Variants in NRIP1 observed in about 807,000 individuals in gnomAD.
NRIP1 encodes the protein nuclear receptor-interacting protein 1.
NRIP1 carries 28 observed loss-of-function variants against 75.0 expected under a neutral mutation model. That is an observed-to-expected ratio of 0.37 (90% CI 0.28 to 0.51). The LOEUF (loss-of-function observed/expected upper bound fraction) is 0.51. Ranked by LOEUF, NRIP1 falls within the 20% of genes least tolerant of loss-of-function variation. The pLI is 0.92. For synonymous variants in NRIP1, 526 were observed against 487.6 expected (o/e 1.08, Z -1.04); for missense variants, 1,435 against 1,343.7 (o/e 1.07, Z -1.06).
At chr21:15,036,754 A>T (rs2088842537) in intron 2 of NRIP1, among the ~76,000 whole-genome samples, 1 of 152,332 alleles carries the variant, frequency 6.6e-6, no homozygotes, top group African/African-American at 2.4e-5. Context: ...AGCAATATTT[A>T]AAAAATACTC....
chr21:14,973,939 C>CCT (rs2086976924), intron 3 of NRIP1, among the ~76,000 whole-genome samples: 1 of 150,808 alleles, frequency 6.6e-6, no homozygotes, highest in Non-Finnish European at 1.5e-5. Context: ...CCTGCCTTAG[C>CCT]CTCTCAAAGT....
At chr21:14,991,047 G>A (rs1436358822) in intron 3 of NRIP1, among the ~76,000 whole-genome samples, 1 of 151,784 alleles carries the variant, frequency 6.6e-6, no homozygotes, top group Non-Finnish European at 1.5e-5. Context: ...AAACTCTGAT[G>A]GCTCCTGGTC....
At chr21:15,048,967 T>TAC (rs929726029) in intron 1 of NRIP1, among the ~76,000 whole-genome samples, 9 of 150,376 alleles carry the variant, frequency 6.0e-5, no homozygotes, top group South Asian at 2.1e-4. Context: ...TACAAATACA[T>TAC]ACACACACAC....
chr21:15,014,788 C>T (rs903786328), intron 2 of NRIP1, among the ~76,000 whole-genome samples: 2 of 145,586 alleles, frequency 1.4e-5, no homozygotes, highest in African/African-American at 5.1e-5. Context: ...AATTAATTTA[C>T]ATACAAAAAA....
rs2147430634 is a variant in NRIP1 at position 15,061,489 on chromosome 21, G to C, written c.-538+3256C>G. On this transcript the variant is annotated intron_variant, in intron 1 of 3. Transcript: ENST00000318948. Reference sequence around the variant, plus strand: ...GAAAAGGGGAAGAGAGCAAGGGAGGGAGGGAAATGGTAGGGAAGGGACTAC... The same window carrying C: ...GAAAAGGGGAAGAGAGCAAGGGAGGCAGGGAAATGGTAGGGAAGGGACTAC... Among the ~76,000 whole-genome samples the C allele has an allele frequency of 2.6e-5, 4 of 152,232 alleles. No homozygotes were observed. In the Middle Eastern group the frequency reaches 0.01, roughly 388 times the overall value.
intron 3 of NRIP1, among the ~76,000 whole-genome samples, chr21:15,011,503 T>TA (rs953353915): frequency 1.1e-4 from 17 of 151,864 alleles, no homozygotes; most frequent in South Asian, 4.2e-4. Context: ...GGCCCTTTTT[T>TA]AAAAAAAAAT....
At chr21:15,063,230 G>A (rs1424812319) in intron 1 of NRIP1, among the ~76,000 whole-genome samples, 2 of 152,172 alleles carry the variant, frequency 1.3e-5, no homozygotes, top group African/African-American at 4.8e-5. Context: ...GTTACTGTAG[G>A]TGATGAAGCC....
intron 1 of NRIP1, among the ~76,000 whole-genome samples, chr21:15,054,765 T>A (rs2089272344): frequency 6.6e-6 from 1 of 152,244 alleles, no homozygotes; most frequent in African/African-American, 2.4e-5. Context: ...CATCCTTCTG[T>A]GTGCCAGACA....
intron 2 of NRIP1, among the ~76,000 whole-genome samples, chr21:15,040,810 T>C (rs2147312053): frequency 6.6e-6 from 1 of 152,190 alleles, no homozygotes; most frequent in South Asian, 2.1e-4. Flanking sequence ...TGGGAAAATT[T>C]AAATAACTCC....
intron 1 of NRIP1, among the ~76,000 whole-genome samples, chr21:15,049,720 T>C (rs903085126): frequency 6.6e-6 from 1 of 152,078 alleles, no homozygotes; most frequent in African/African-American, 2.4e-5. Flanking sequence ...CAAGCACTTT[T>C]ACACTACTCA....
At chr21:15,065,695 C>G (rs939254378), upstream of NRIP1, 4 of 152,340 alleles carry the variant, frequency 2.6e-5, no homozygotes, top group Non-Finnish European at 5.9e-5. Context: ...TCGTGTGGAG[C>G]GACTCTGGGA....
intron 3 of NRIP1, among the ~76,000 whole-genome samples, chr21:14,999,437 A>G (rs975511617): frequency 6.6e-6 from 1 of 152,152 alleles, no homozygotes; most frequent in Non-Finnish European, 1.5e-5. Flanking sequence ...TTTATGTTCT[A>G]TTTGGTTATA....
rs1255539418 is a variant in NRIP1 at position 14,966,497 on chromosome 21, T to C, written c.1696A>G (p.Ile566Val). The change falls in exon 4 of 4, where the codon ATC becomes GTC. Residue 566 changes from isoleucine (I) to valine (V), a missense_variant. By Grantham distance (29) the Ile-to-Val change is conservative. Transcript: ENST00000318948. ...ACCAGAGAGTGTTGAGAGAGATTGATGGGAGACCCTGCTTTGCTTGATGTA... is the reference window on the plus strand; with the variant it reads ...ACCAGAGAGTGTTGAGAGAGATTGACGGGAGACCCTGCTTTGCTTGATGTA... Reference protein sequence around the residue: ...LLTSSKAGSPINLSQHSLVIK... With the variant: ...LLTSSKAGSPVNLSQHSLVIK... The C allele has an allele frequency of 1.9e-6, 3 of 1,613,958 alleles. No individual in the cohort carries two copies. Among genetic ancestry groups the C allele is most frequent in the Non-Finnish European group, 1.7e-6 (2 of 1,179,938 alleles).
In NRIP1 at chr21:14,963,212, T is replaced by A. The variant is rs1359803711; in HGVS notation, c.*1504A>T. 6.6e-6 allele frequency: 1 copy of A among 152,504 alleles called. No homozygotes were observed. The highest frequency in any genetic ancestry group is 1.5e-5 in the Non-Finnish European group (1 of 67,958). 9.4% of individuals were successfully genotyped at this position (152,504 alleles called of 1,614,324 possible). On this transcript the variant is annotated 3_prime_UTR_variant, in exon 4 of 4. Transcript: ENST00000318948. Reference sequence around the variant, plus strand: ...TTTAGTGCCCTTCTTGGGTTTAAACTAAATGTTGTAAGCTTTGTTGGCATT... The same window carrying A: ...TTTAGTGCCCTTCTTGGGTTTAAACAAAATGTTGTAAGCTTTGTTGGCATT...
chr21:14,990,245 T>C (rs1434207882), intron 3 of NRIP1, among the ~76,000 whole-genome samples: 1 of 152,182 alleles, frequency 6.6e-6, no homozygotes, highest in African/African-American at 2.4e-5. Context: ...TTTTCTTCTT[T>C]TCTCCATCTT....
At chr21:15,043,377 A>C (rs1310961959) in intron 2 of NRIP1, 118 bp downstream of exon 2, 1 of 152,238 alleles carries the variant, frequency 6.6e-6, no homozygotes, top group African/African-American at 2.4e-5. Context: ...AAGGTAGTTT[A>C]TCCATATCTA....
chr21:15,043,940 TC>T (rs1363428667), intron 1 of NRIP1, among the ~76,000 whole-genome samples: 2 of 152,248 alleles, frequency 1.3e-5, no homozygotes, highest in East Asian at 3.9e-4. Context: ...CACCTCAGTC[TC>T]CCAAGTAGCT....
intron 3 of NRIP1, chr21:14,974,093 G>A (rs1292629323): frequency 6.6e-6 from 1 of 151,912 alleles, no homozygotes; most frequent in African/African-American, 2.4e-5. Flanking sequence ...GTTAATTCAT[G>A]AATAATTTAC....
At chr21:15,043,045 ACTCTGAT>A (rs2088992193) in intron 2 of NRIP1, among the ~76,000 whole-genome samples, 1 of 152,078 alleles carries the variant, frequency 6.6e-6, no homozygotes, top group South Asian at 2.1e-4. Flanking sequence ...CTGTCCACGG[ACTCTGAT>A]GACAGACTGA....
Sources: allele counts gnomAD v4.1 joint callset (sites outside exome capture counted in the v4.1 genomes callset), GRCh38; gene constraint gnomAD v4.1.1; transcripts MANE v1.5; gene names NCBI Gene and HGNC (gene_info 2026-07-23, HGNC 2026-07-21).